The following ZNF423 variants were observed in gnomAD, a reference collection of about 807,000 sequenced individuals.
ZNF423 encodes zinc finger protein 423.
In ZNF423, 12 loss-of-function variants were observed where a neutral mutation model predicts 95.8. That is an observed-to-expected ratio of 0.13 (90% CI 0.08 to 0.20). ZNF423 has a LOEUF of 0.20. Among genes scored for constraint, ZNF423 ranks in the 10% least tolerant of loss-of-function variants. ZNF423 has a pLI of 1.00. For missense variants in ZNF423, 1,316 were observed against 1,737.1 expected (o/e 0.76, Z 4.31); for synonymous variants, 749 against 711.9 (o/e 1.05, Z -0.83).
rs114990239 is a variant in ZNF423 at position 49,647,651 on chromosome 16, G to C, written c.302-8777C>G. 4.6e-3 allele frequency among the ~76,000 whole-genome samples: 704 copies of C among 152,286 alleles called. 3 individuals carry two copies. The highest frequency in any genetic ancestry group is 0.016 in the African/African-American group (682 of 41,564). On this transcript the variant is annotated intron_variant, in intron 3 of 7. Transcript: ENST00000563137. ...AAGGAGGCCATATGCCAAGAAATGT[G>C]AGCAGCCTCTAAGAACTGGAAAGGC...
chr16:49,764,260 A>T (rs535531629), intron 2 of ZNF423, among the ~76,000 whole-genome samples: 3 of 152,272 alleles, frequency 2.0e-5, no homozygotes, highest in Admixed American at 2.0e-4. Context: ...ATAAGAGAAG[A>T]CCATGCTGCA....
intron 5 of ZNF423, among the ~76,000 whole-genome samples, chr16:49,616,266 A>C (rs1971871325): frequency 6.6e-6 from 1 of 152,208 alleles, no homozygotes; most frequent in Non-Finnish European, 1.5e-5. Context: ...AGGAGCTAAA[A>C]TTTAAAACAA....
At chr16:49,739,223 T>C (rs2033359648) in intron 2 of ZNF423, among the ~76,000 whole-genome samples, 1 of 152,198 alleles carries the variant, frequency 6.6e-6, no homozygotes, top group African/African-American at 2.4e-5. Context: ...TGGCTCATAG[T>C]ACAGCTTGAG....
At chr16:49,793,183 G>A (rs1443826161) in intron 1 of ZNF423, among the ~76,000 whole-genome samples, 1 of 147,214 alleles carries the variant, frequency 6.8e-6, no homozygotes, top group African/African-American at 2.5e-5. Flanking sequence ...GCACTCTTCT[G>A]TCCAGACTGG....
Position 49,809,618 on chromosome 16 carries a change from C to T in ZNF423, c.41-20072G>A, listed in dbSNP as rs118170148. On this transcript the variant is annotated intron_variant, in intron 1 of 7. Transcript: ENST00000563137. ...TCCCAGAGGCTCCGCTCTGCACCTG[C>T]GAGAACAGATGTGGCTGCCTCATCC... is the stretch of plus-strand genomic sequence containing the variant. Among the ~76,000 whole-genome samples the T allele has an allele frequency of 5.6e-3, 849 of 152,322 alleles. 4 individuals are homozygous for T. Among genetic ancestry groups the T allele is most frequent in the Non-Finnish European group, 9.4e-3 (639 of 68,032 alleles).
chr16:49,686,871 T>A (rs2031585278), intron 3 of ZNF423, among the ~76,000 whole-genome samples: 1 of 151,808 alleles, frequency 6.6e-6, no homozygotes, highest in Non-Finnish European at 1.5e-5. Flanking sequence ...AGAACCCCCA[T>A]CATCATCAGA....
intron 1 of ZNF423, chr16:49,854,114 T>C (rs558394358): frequency 1.0e-6 from 1 of 985,306 alleles, no homozygotes; most frequent in African/African-American, 1.7e-5. Flanking sequence ...TCTTGGAGTC[T>C]CTCTTCTGGT....
chr16:49,714,113 C>G (rs572066881), intron 3 of ZNF423, among the ~76,000 whole-genome samples: 1 of 152,322 alleles, frequency 6.6e-6, no homozygotes, highest in Non-Finnish European at 1.5e-5. Context: ...AAATCCCATC[C>G]CCAGGAGCCG....
At chr16:49,695,879 G>A (rs1402246736) in intron 3 of ZNF423, among the ~76,000 whole-genome samples, 1 of 152,236 alleles carries the variant, frequency 6.6e-6, no homozygotes, top group African/African-American at 2.4e-5. Flanking sequence ...CACACTCCAA[G>A]CTCTTGCATA....
rs909388891 is a variant in ZNF423, at chr16:49,636,612, G to T, written c.2564C>A (p.Pro855Gln). Residue 855 changes from proline (P) to glutamine (Q), a missense_variant, in exon 4 of 8, where the codon CCA (proline) becomes CAA (glutamine). This residue lies in a region of ZNF423 where 620 missense variants were observed against 775.6 expected (regional missense o/e 0.80). Coordinates refer to ENST00000563137, the MANE Select transcript of ZNF423 (RefSeq NM_001379286.1). The surrounding 1 kb of genome is among the most constrained non-coding windows in gnomAD (Gnocchi z 8.6). ...TENGTANGVP[P>Q]MATKKAEPAD... is the part of the protein sequence containing the mutation. ...AGGCTCAGCTTTCTTGGTGGCCATT[G>T]GGGGTACCCCATTGGCCGTGCCGTT... is the stretch of plus-strand genomic sequence containing the variant. The T allele has an allele frequency of 1.2e-6, 2 of 1,613,830 alleles. No homozygotes were observed. The highest frequency in any genetic ancestry group is 2.7e-5 in the African/African-American group (2 of 74,908).
intron 1 of ZNF423, chr16:49,854,753 C>G (rs1276132758): frequency 2.0e-6 from 2 of 985,398 alleles, no homozygotes; most frequent in Non-Finnish European, 2.4e-6. Flanking sequence ...TCCCCGGGGC[C>G]TCTACTCTCC....
intron 5 of ZNF423, among the ~76,000 whole-genome samples, chr16:49,551,189 C>T (rs188087400): frequency 3.3e-5 from 5 of 152,352 alleles, no homozygotes; most frequent in Middle Eastern, 3.4e-3. Context: ...AACTTCCTAT[C>T]GTGTTGACAA....
chr16:49,724,995 T>G (rs1208960584), intron 3 of ZNF423, among the ~76,000 whole-genome samples: 2 of 152,198 alleles, frequency 1.3e-5, no homozygotes, highest in Non-Finnish European at 2.9e-5. Context: ...CCAATCTGTG[T>G]TCTCAAGCAC....
At position 49,665,299 on chromosome 16, in the gene ZNF423, C is replaced by A. The variant is rs551066592; in HGVS notation, c.302-26425G>T. On this transcript the variant is annotated intron_variant, in intron 3 of 7. Transcript: ENST00000563137. ...GGATGTCTCTGATGTGCCTACAACC[C>A]AGCAGGCACTTAGGTGGTGAGGGTA... is the stretch of plus-strand genomic sequence containing the variant. Among the ~76,000 whole-genome samples, 9 of 152,320 alleles carry A rather than the reference C, an allele frequency of 5.9e-5. No homozygotes were observed. The East Asian group carries it at 1.5e-3, about 26-fold the overall frequency.
chr16:49,586,790 A>T (rs555920842), intron 5 of ZNF423, among the ~76,000 whole-genome samples: 2 of 152,324 alleles, frequency 1.3e-5, no homozygotes, highest in African/African-American at 4.8e-5. Flanking sequence ...CGAACCAGGG[A>T]GAACCGGGAG....
At chr16:49,666,007 T>C (rs1269139067) in intron 3 of ZNF423, among the ~76,000 whole-genome samples, 1 of 152,140 alleles carries the variant, frequency 6.6e-6, no homozygotes, top group Non-Finnish European at 1.5e-5. Context: ...CACAGCAAAC[T>C]TCACAGCAGA....
intron 5 of ZNF423, among the ~76,000 whole-genome samples, chr16:49,562,104 A>T (rs1198414326): frequency 5.3e-5 from 8 of 152,244 alleles, no homozygotes; most frequent in African/African-American, 1.9e-4. Context: ...ATCTCACAAA[A>T]GGTAACATCC....
chr16:49,735,549 G>A (rs375395659), intron 2 of ZNF423, among the ~76,000 whole-genome samples: 105 of 152,228 alleles, frequency 6.9e-4, no homozygotes, highest in African/African-American at 2.5e-3. Context: ...AGTCCCCCTC[G>A]GGGCTGGCCA....
At chr16:49,662,931 A>C (rs921628237) in intron 3 of ZNF423, among the ~76,000 whole-genome samples, 1 of 152,240 alleles carries the variant, frequency 6.6e-6, no homozygotes, top group African/African-American at 2.4e-5. Flanking sequence ...GCTGTCATCC[A>C]AAACCCCACA....
Sources: allele counts gnomAD v4.1 joint callset (sites outside exome capture counted in the v4.1 genomes callset), GRCh38; gene constraint gnomAD v4.1.1; regional missense constraint gnomAD v4.1.1; non-coding constraint Gnocchi (gnomAD v3.1); transcripts MANE v1.5; gene names NCBI Gene and HGNC (gene_info 2026-07-23, HGNC 2026-07-21).